The following TLCD4 variants were observed in gnomAD, a reference collection of about 807,000 sequenced individuals.
The protein encoded by TLCD4 is TLC domain-containing protein 4.
In TLCD4, 7 loss-of-function variants were observed where a neutral mutation model predicts 24.2. The ratio of observed to expected loss-of-function variants is 0.29; its 90% confidence interval spans 0.16 to 0.54. TLCD4 has a LOEUF of 0.54. Ranked by LOEUF, TLCD4 falls within the 20% of genes least tolerant of loss-of-function variation. The probability of loss-of-function intolerance (pLI) is 0.95; values close to 1 mark genes in which losing one functional copy is unlikely to be tolerated. For synonymous variants in TLCD4, 103 were observed against 106.4 expected, an observed-to-expected ratio of 0.97 and a Z score of 0.20; for missense variants, 259 against 313.9, an observed-to-expected ratio of 0.82 and a Z score of 1.32.
chr1:95,185,941 G>T (rs1678816185), intron 6 of TLCD4, among the ~76,000 whole-genome samples: 1 of 152,162 alleles, frequency 6.6e-6, no homozygotes, highest in Admixed American at 6.5e-5. Context: ...AGACAAAAGT[G>T]AATGAGGAAG....
rs935953891 is a variant in TLCD4 at position 95,144,037 on chromosome 1, A to T, written c.136A>T (p.Lys46Ter). ...PGFNSLSFKK[K>*]IEWNSRVVST... ...TTTCAATAGTCTCAGCTTCAAAAAG[A>T]AGATTGAATGGAACTCAAGGTAAAG... The change falls in exon 2 of 7, where the codon AAG (lysine) becomes TAG (stop). Residue 46 changes from lysine to a stop codon, truncating the protein, a stop_gained. Coordinates refer to ENST00000370203, the MANE Select transcript of TLCD4 (RefSeq NM_152487.3). LOFTEE classifies it high-confidence loss of function. The T allele has an allele frequency of 1.3e-6, 2 of 1,539,746 alleles. No individual in the cohort carries two copies. The highest frequency in any genetic ancestry group is 4.1e-5 in the Admixed American group (2 of 48,230).
intron 2 of TLCD4, among the ~76,000 whole-genome samples, chr1:95,145,583 A>C (rs1255923867): frequency 6.6e-6 from 1 of 152,204 alleles, no homozygotes; most frequent in Non-Finnish European, 1.5e-5. Flanking sequence ...CCATTACTTT[A>C]AAAAATCTTT....
intron 6 of TLCD4, 79 bp from the exon 7 acceptor site, chr1:95,191,471 A>T: frequency 6.6e-7 from 1 of 1,505,772 alleles, no homozygotes; most frequent in East Asian, 2.3e-5. Context: ...CTGAATTTTA[A>T]AATTTAAAAA....
intron 1 of TLCD4, among the ~76,000 whole-genome samples, chr1:95,130,702 C>A (rs551083226): frequency 2.0e-5 from 3 of 152,192 alleles, no homozygotes; most frequent in African/African-American, 7.2e-5. Context: ...CTTTTACATC[C>A]TAGAGTGTTA....
chr1:95,110,340 T>G, the TLCD4 span, among the ~76,000 whole-genome samples: 1 of 152,086 alleles, frequency 6.6e-6, no homozygotes, highest in Admixed American at 6.6e-5. Flanking sequence ...ATTTCCCTAT[T>G]AAATTTGAAG....
chr1:95,165,515 G>A (rs1275198232), intron 5 of TLCD4, among the ~76,000 whole-genome samples: 1 of 150,740 alleles, frequency 6.6e-6, no homozygotes, highest in Non-Finnish European at 1.5e-5. Context: ...CCCCAGGGTG[G>A]AGTGCAATGG....
chr1:95,173,307 G>A (rs896273521), intron 5 of TLCD4, among the ~76,000 whole-genome samples: 2 of 147,708 alleles, frequency 1.4e-5, no homozygotes, highest in Non-Finnish European at 3.0e-5. Context: ...AGTACTTTGT[G>A]ATCATTCTTT....
intron 5 of TLCD4, among the ~76,000 whole-genome samples, chr1:95,152,489 G>A (rs958248114): frequency 6.6e-6 from 1 of 151,916 alleles, no homozygotes; most frequent in African/African-American, 2.4e-5. Context: ...AAATGATTTT[G>A]TTATTAGAAC....
chr1:95,135,149 T>C (rs931146076), intron 1 of TLCD4, among the ~76,000 whole-genome samples: 6 of 152,222 alleles, frequency 3.9e-5, no homozygotes, highest in Admixed American at 3.9e-4. Context: ...GTTAATGTAA[T>C]AGGAATTGTC....
the TLCD4 span, among the ~76,000 whole-genome samples, chr1:95,094,812 C>T: frequency 6.6e-6 from 1 of 152,162 alleles, no homozygotes; most frequent in Non-Finnish European, 1.5e-5. Flanking sequence ...ATATGTTAGG[C>T]AGCAATAAAT....
intron 5 of TLCD4, among the ~76,000 whole-genome samples, chr1:95,162,674 G>T (rs1677854719): frequency 7.9e-6 from 1 of 125,904 alleles, no homozygotes; most frequent in Admixed American, 8.0e-5. Context: ...GCTTCCTTCA[G>T]GAGCTCTTGT....
the TLCD4 span, among the ~76,000 whole-genome samples, chr1:95,105,492 A>G: frequency 6.6e-6 from 1 of 152,216 alleles, no homozygotes; most frequent in Admixed American, 6.5e-5. Flanking sequence ...ATAATTAGGC[A>G]CTTGTCCAGA....
the TLCD4 span, among the ~76,000 whole-genome samples, chr1:95,112,183 A>T: frequency 1.3e-5 from 2 of 152,044 alleles, no homozygotes; most frequent in Non-Finnish European, 2.9e-5. Context: ...ATCTCCAGAC[A>T]TTGCCACGTG....
rs1679222416 is a variant in TLCD4, at chr1:95,196,954, T to A, written c.*5086T>A. ...CTTGTAAATAGGATAAGTTATGAGA[T>A]TTTTTGGTATTAGAATTTGTAATAA... On this transcript the variant is annotated 3_prime_UTR_variant, in exon 7 of 7. Coordinates refer to ENST00000370203, the MANE Select transcript of TLCD4 (RefSeq NM_152487.3). 1 of 152,108 alleles carries A rather than the reference T, an allele frequency of 6.6e-6. No individual in the cohort carries two copies. The highest frequency in any genetic ancestry group is 1.5e-5 in the Non-Finnish European group (1 of 68,008). 9.4% of individuals were successfully genotyped at this position (152,108 alleles called of 1,614,324 possible).
intron 1 of TLCD4, among the ~76,000 whole-genome samples, chr1:95,134,640 G>C (rs1011083737): frequency 2.6e-5 from 4 of 152,174 alleles, no homozygotes; most frequent in Non-Finnish European, 5.9e-5. Context: ...CAAAACAGCG[G>C]TACTCAAGTG....
At chr1:95,100,510 G>A in the TLCD4 span, among the ~76,000 whole-genome samples, 2 of 152,074 alleles carry the variant, frequency 1.3e-5, no homozygotes, top group Non-Finnish European at 2.9e-5. Context: ...AGGAGGCAGA[G>A]GTTGCAGTGA....
chr1:95,151,517 A>G, intron 5 of TLCD4, 98 bp downstream of exon 5: 1 of 1,396,956 alleles, frequency 7.2e-7, no homozygotes, highest in Non-Finnish European at 9.7e-7. Flanking sequence ...CTTAGTTTTT[A>G]AAGACCATCT....
At chr1:95,105,800 C>G in the TLCD4 span, among the ~76,000 whole-genome samples, 1 of 148,088 alleles carries the variant, frequency 6.8e-6, no homozygotes, top group African/African-American at 2.5e-5. Context: ...GAGGCTGAGA[C>G]AAGAGAATGG....
chr1:95,181,599 ATTTATTTT>A lies in TLCD4; in HGVS notation c.473+7714_473+7721del, dbSNP rs753547720. 9.7e-3 allele frequency among the ~76,000 whole-genome samples: 1,450 copies of A among 149,504 alleles called. 21 individuals carry two copies. Among genetic ancestry groups the A allele is most frequent in the African/African-American group, 0.035 (1,384 of 39,832 alleles). ...TGTTTAATTATTTATTTATTTATTTATTTATTTTTTTTTTTGAGATGGAGTCTCGCATT... is the reference window on the plus strand; with the variant it reads ...TGTTTAATTATTTATTTATTTATTTATTTTTTTGAGATGGAGTCTCGCATT... On this transcript the variant is annotated intron_variant, in intron 6 of 6. Transcript: ENST00000370203.
Sources: gnomAD v4.1 joint callset for allele counts (sites outside exome capture counted in the v4.1 genomes callset) on GRCh38, gnomAD v4.1.1 for gene constraint, MANE v1.5 for transcripts, NCBI Gene and HGNC (gene_info 2026-07-23, HGNC 2026-07-21) for gene names.